PRKCZ: variants seen among roughly 807,000 people sequenced by gnomAD.
PRKCZ encodes protein kinase C zeta type.
A neutral mutation model predicts 79.5 loss-of-function variants in PRKCZ; 33 were observed. The ratio of observed to expected loss-of-function variants is 0.41; its 90% CI spans 0.31 to 0.55. The LOEUF (loss-of-function observed/expected upper bound fraction) is 0.55, where lower values mean the gene tolerates loss of function less well. Ranked by LOEUF, PRKCZ falls within the 20% of genes least tolerant of loss-of-function variation. The probability of loss-of-function intolerance (pLI) is 0.19; values close to 1 mark genes in which losing one functional copy is unlikely to be tolerated. For synonymous variants in PRKCZ, 342 were observed against 320.9 expected (o/e 1.07, Z -0.70); for missense variants, 578 against 813.5 (o/e 0.71, Z 3.52).
Position 2,181,178 on chromosome 1 carries a change from C to T in PRKCZ, c.1576-3405C>T, listed in dbSNP as rs1047210197. Among the ~76,000 whole-genome samples the T allele has an allele frequency of 7.2e-5, 11 of 152,150 alleles. No individual in the cohort carries two copies. In the East Asian group the frequency reaches 1.4e-3, roughly 19 times the overall value. On this transcript the variant is annotated intron_variant, in intron 16 of 17. Coordinates refer to ENST00000378567, the MANE Select transcript of PRKCZ (RefSeq NM_002744.6). ...TCCTGTGTCCAAAAGCCTCCTCCCC[C>T]TCAGCCCCTTCACTCGGGTCTCATG...
chr1:2,119,213 CTTT>C (rs201938015), intron 4 of PRKCZ, among the ~76,000 whole-genome samples: 7 of 126,428 alleles, frequency 5.5e-5, no homozygotes, highest in Admixed American at 8.8e-5. Flanking sequence ...TTATTTTTTC[CTTT>C]TTTTTTTTTT....
intron 4 of PRKCZ, among the ~76,000 whole-genome samples, chr1:2,096,062 G>T (rs1486573429): frequency 6.6e-6 from 1 of 151,500 alleles, no homozygotes; most frequent in African/African-American, 2.4e-5. Context: ...GCCAGGCAGG[G>T]TCTCCTGCAG....
intron 4 of PRKCZ, among the ~76,000 whole-genome samples, chr1:2,087,775 C>T (rs967278205): frequency 2.0e-5 from 3 of 152,168 alleles, no homozygotes; most frequent in East Asian, 3.9e-4. Flanking sequence ...CTCCCCTAAC[C>T]GGGTACCCAC....
chr1:2,146,971 C>G (rs547823942), intron 7 of PRKCZ, among the ~76,000 whole-genome samples: 2 of 151,948 alleles, frequency 1.3e-5, no homozygotes, highest in South Asian at 4.2e-4. Flanking sequence ...CATCCACCAC[C>G]TATCCATCTA....
chr1:2,158,119 C>T (rs2103318006), intron 10 of PRKCZ, among the ~76,000 whole-genome samples: 1 of 152,342 alleles, frequency 6.6e-6, no homozygotes, highest in East Asian at 1.9e-4. Context: ...CGTTCCCCGA[C>T]CTGCTCTACG....
At chr1:2,136,780 A>G (rs925241361) in intron 5 of PRKCZ, among the ~76,000 whole-genome samples, 1 of 152,098 alleles carries the variant, frequency 6.6e-6, no homozygotes. Flanking sequence ...GCCTTTTCTG[A>G]GGACACACGT....
Position 2,184,583 on chromosome 1 carries a change from CT to C in PRKCZ, c.1577del (p.Leu526ArgfsTer34). On this transcript the variant is annotated frameshift_variant and splice_region_variant, in exon 17 of 18. Transcript: ENST00000378567. LOFTEE classifies it high-confidence loss of function. Reference sequence around the variant, plus strand: ...ACCCTTCTCCTATTGTTTTTCCAAGCTGGAGAAGAAGCAGGCGCTCCCTCCA... The same window carrying C: ...ACCCTTCTCCTATTGTTTTTCCAAGCGGAGAAGAAGCAGGCGCTCCCTCCA... Reference protein sequence around the residue: ...AFFRSIDWDLLEKKQALPPFQ... With the variant: ...AFFRSIDWDLXEKKQALPPFQ... 1 of 1,613,146 alleles carries C rather than the reference CT, an allele frequency of 6.2e-7. No individual in the cohort carries two copies. The highest frequency in any genetic ancestry group is 8.5e-7 in the Non-Finnish European group (1 of 1,179,510).
chr1:2,176,712 GC>G (rs1312760926), intron 16 of PRKCZ, among the ~76,000 whole-genome samples: 2 of 152,208 alleles, frequency 1.3e-5, no homozygotes, highest in African/African-American at 4.8e-5. Flanking sequence ...TCACTCCCTG[GC>G]CCCTGTGGTC....
At chr1:2,073,804 A>G (rs887157679) in intron 4 of PRKCZ, 3 of 1,026,562 alleles carry the variant, frequency 2.9e-6, no homozygotes, top group Non-Finnish European at 3.5e-6. Flanking sequence ...CTCCCTGCCT[A>G]TTGTCGGGGC....
intron 4 of PRKCZ, among the ~76,000 whole-genome samples, chr1:2,092,870 T>C (rs1048845460): frequency 3.3e-5 from 5 of 152,130 alleles, no homozygotes; most frequent in African/African-American, 1.2e-4. Context: ...CACCACACAG[T>C]GGGCCCAGCT....
rs976985139 is a variant in PRKCZ, at chr1:2,178,982, G to A, written c.1575+3669G>A. ...CTGAACCAGCACCACTCAGGCAGTC[G>A]CCGCCACTGGGGTGTGACTCTGGGG... is the stretch of plus-strand genomic sequence containing the variant. On this transcript the variant is annotated intron_variant, in intron 16 of 17. Transcript: ENST00000378567. The surrounding 1 kb of genome is among the most constrained non-coding windows in gnomAD (Gnocchi z 4.3). Among the ~76,000 whole-genome samples, 212 of 152,336 alleles carry A rather than the reference G, an allele frequency of 1.4e-3. 4 individuals carry two copies. The highest frequency in any genetic ancestry group is 2.4e-4 in the Non-Finnish European group (16 of 68,028).
In PRKCZ at chr1:2,178,878, C is replaced by T. The variant is rs969279218; in HGVS notation, c.1575+3565C>T. 1.1e-4 allele frequency among the ~76,000 whole-genome samples: 17 copies of T among 152,124 alleles called. No homozygotes were observed. Among genetic ancestry groups the T allele is most frequent in the Non-Finnish European group, 2.1e-4 (14 of 68,018 alleles). On this transcript the variant is annotated intron_variant, in intron 16 of 17. Transcript: ENST00000378567. This position sits in a 1 kb window ranked among gnomAD's most constrained non-coding sequence, Gnocchi z 4.3. ...ATGGATGGTGAAAGGACACAGTGCCCGCCCCCCGAGTGTCCGAGGGTAGAG... is the reference window on the plus strand; with the variant it reads ...ATGGATGGTGAAAGGACACAGTGCCTGCCCCCCGAGTGTCCGAGGGTAGAG...
Position 2,052,440 on chromosome 1 carries a change from C to T in PRKCZ, c.71+1739C>T, listed in dbSNP as rs74528322. 2.2e-4 allele frequency among the ~76,000 whole-genome samples: 34 copies of T among 151,348 alleles called. No homozygotes were observed. In the East Asian group the frequency reaches 6.7e-3, roughly 30 times the overall value. On this transcript the variant is annotated intron_variant, in intron 1 of 17. Transcript: ENST00000378567. ...TCTCCCCACCCCTTCCTCTTCCTCC[C>T]TCCTTCCCTGTTGTTTTCCCTCCTC...
At chr1:2,139,701 G>A (rs1465992585) in intron 5 of PRKCZ, among the ~76,000 whole-genome samples, 2 of 152,238 alleles carry the variant, frequency 1.3e-5, no homozygotes, top group Non-Finnish European at 2.9e-5. Context: ...CTACTCTCTG[G>A]AAATCACGCA....
At chr1:2,051,867 G>A (rs1265674729) in intron 1 of PRKCZ, among the ~76,000 whole-genome samples, 1 of 152,174 alleles carries the variant, frequency 6.6e-6, no homozygotes, top group Admixed American at 6.5e-5. Context: ...GGAAGGTTGG[G>A]GCCTCTGCAG....
At chr1:2,091,480 C>T (rs1315708314) in intron 4 of PRKCZ, among the ~76,000 whole-genome samples, 1 of 152,216 alleles carries the variant, frequency 6.6e-6, no homozygotes, top group Non-Finnish European at 1.5e-5. Context: ...CCTCCGCAGT[C>T]CCACCTGCAG....
rs1211966436 is a variant in PRKCZ, at chr1:2,094,524, G to A, written c.334+34933G>A. ...GTGCCCGGCTCGTTGAACCTTGGGC[G>A]CTGCCCGTTCTGAGGCGCCCTCTGT... On this transcript the variant is annotated intron_variant, in intron 4 of 17. Coordinates refer to ENST00000378567, the MANE Select transcript of PRKCZ (RefSeq NM_002744.6). The surrounding 1 kb of genome is among the most constrained non-coding windows in gnomAD (Gnocchi z 7.3). 2.9e-5 allele frequency among the ~76,000 whole-genome samples: 4 copies of A among 138,306 alleles called. No homozygotes were observed. The highest frequency in any genetic ancestry group is 1.2e-4 in the African/African-American group (4 of 34,686). 90.7% of individuals were successfully genotyped at this position (138,306 alleles called of 152,430 possible).
At position 2,168,041 on chromosome 1, in the gene PRKCZ, C is replaced by T. The variant is rs909324297; in HGVS notation, c.975-1477C>T. 5.3e-5 allele frequency among the ~76,000 whole-genome samples: 8 copies of T among 152,180 alleles called. No individual in the cohort carries two copies. Among genetic ancestry groups the T allele is most frequent in the Non-Finnish European group, 1.0e-4 (7 of 68,030 alleles). On this transcript the variant is annotated intron_variant, in intron 10 of 17. Transcript: ENST00000378567. This position sits in a 1 kb window ranked among gnomAD's most constrained non-coding sequence, Gnocchi z 4.7. ...TGACGTTACTGAACGAGTCCCTCCA[C>T]GGGTGCACTGAGGACGTTCCTGCAC...
intron 4 of PRKCZ, among the ~76,000 whole-genome samples, chr1:2,059,924 G>T (rs1329350513): frequency 2.6e-5 from 4 of 152,192 alleles, no homozygotes; most frequent in Non-Finnish European, 5.9e-5. Context: ...ACCACCCCTA[G>T]GCCAGTCGTC....
Sources: gnomAD v4.1 joint callset for allele counts (sites outside exome capture counted in the v4.1 genomes callset) on GRCh38, gnomAD v4.1.1 for gene constraint, Gnocchi (gnomAD v3.1) non-coding constraint, MANE v1.5 for transcripts, NCBI Gene and HGNC (gene_info 2026-07-23, HGNC 2026-07-21) for gene names.